SLC30A9: variants seen among roughly 807,000 people sequenced by gnomAD.
The protein encoded by SLC30A9 is proton-coupled zinc antiporter SLC30A9, mitochondrial.
A neutral mutation model predicts 87.5 loss-of-function variants in SLC30A9; 58 were observed. That is an observed-to-expected ratio of 0.66 (90% CI 0.54 to 0.82). The LOEUF is 0.82. Ranked by LOEUF, SLC30A9 falls within the 40% of genes least tolerant of loss-of-function variation. SLC30A9 has a pLI of 0.00. For missense variants in SLC30A9, 557 were observed against 679.1 expected (o/e 0.82, Z 2.00); for synonymous variants, 234 against 233.0 (o/e 1.00, Z -0.04).
intron 8 of SLC30A9, among the ~76,000 whole-genome samples, chr4:42,039,346 T>TA (rs1391249100): frequency 2.6e-5 from 4 of 152,216 alleles, no homozygotes; most frequent in African/African-American, 9.6e-5. Context: ...AAGTCTTTTT[T>TA]AAAGAAGTTA....
intron 2 of SLC30A9, among the ~76,000 whole-genome samples, chr4:42,014,956 C>T (rs890538581): frequency 6.6e-6 from 1 of 151,984 alleles, no homozygotes; most frequent in Non-Finnish European, 1.5e-5. Context: ...TACAAAACTG[C>T]AGTTAGATAG....
chr4:42,001,533 C>T, intron 1 of SLC30A9, 83 bp from the exon 2 acceptor site: 2 of 705,362 alleles, frequency 2.8e-6, no homozygotes, highest in South Asian at 6.1e-5. Context: ...AGCAGTGAAA[C>T]ACCTCTGGAG....
intron 1 of SLC30A9, among the ~76,000 whole-genome samples, chr4:41,998,634 T>C (rs1714843807): frequency 6.6e-6 from 1 of 152,086 alleles, no homozygotes; most frequent in Non-Finnish European, 1.5e-5. Flanking sequence ...TGGCTGATTT[T>C]TTTGTATTTT....
Position 42,067,103 on chromosome 4 carries a change from C to T in SLC30A9, c.1163C>T (p.Pro388Leu). Reference protein sequence around the residue: ...FYKYVMESRDPSTNVILLEDT... With the variant: ...FYKYVMESRDLSTNVILLEDT... The stretch of plus-strand genomic sequence containing the variant: ...TGACTAGTAATGGAAAGTCGTGATC[C>T]TAGTACAAATGTGATATTATTGGAG... The change falls in exon 14 of 18, where the codon CCT (proline) becomes CTT (leucine). Residue 388 changes from proline to leucine, a missense_variant. Pro to Leu is a moderately conservative substitution (Grantham distance 98). Coordinates refer to ENST00000264451, the MANE Select transcript of SLC30A9 (RefSeq NM_006345.4). 1.9e-6 allele frequency: 3 copies of T among 1,611,240 alleles called. No homozygotes were observed. The highest frequency in any genetic ancestry group is 1.7e-6 in the Non-Finnish European group (2 of 1,177,850).
At chr4:42,070,410 A>G in intron 14 of SLC30A9, 116 bp from the exon 15 acceptor site, 1 of 714,568 alleles carries the variant, frequency 1.4e-6, no homozygotes, top group Non-Finnish European at 2.3e-6. Flanking sequence ...AATTAAAGAA[A>G]TTAGGAATAA....
intron 17 of SLC30A9, among the ~76,000 whole-genome samples, chr4:42,080,390 CAGA>C (rs1197732684): frequency 6.6e-6 from 1 of 152,142 alleles, no homozygotes; most frequent in African/African-American, 2.4e-5. Flanking sequence ...CAGCCAAGGG[CAGA>C]AGAAGTGCAT....
chr4:42,084,665 G>T (rs1718859386), intron 17 of SLC30A9, among the ~76,000 whole-genome samples: 1 of 152,094 alleles, frequency 6.6e-6, no homozygotes, highest in Non-Finnish European at 1.5e-5. Context: ...TAGAGATGGG[G>T]TTTCATCATG....
At chr4:42,067,286 A>T in intron 14 of SLC30A9, 94 bp downstream of exon 14, 1 of 760,868 alleles carries the variant, frequency 1.3e-6, no homozygotes, top group African/African-American at 1.8e-5. Flanking sequence ...GAATAATATT[A>T]AACCAACAAA....
At position 42,022,899 on chromosome 4, in the gene SLC30A9, A is replaced by G. The variant is rs1577690657; in HGVS notation, c.496A>G (p.Thr166Ala). The stretch of plus-strand genomic sequence containing the variant: ...TCCCCATGAAGATACTGAGTCTTTT[A>G]CTGTATACTTGAGATCAGATGTGGA... The part of the protein sequence containing the change: ...RSPHEDTESF[T>A]VYLRSDVEAK... The change falls in exon 5 of 18, where the codon ACT becomes GCT. Residue 166 changes from threonine to alanine, a missense_variant. By Grantham distance (58) the Thr-to-Ala change is moderately conservative. Coordinates refer to ENST00000264451, the MANE Select transcript of SLC30A9 (RefSeq NM_006345.4). 1.9e-6 allele frequency: 3 copies of G among 1,598,700 alleles called. No individual in the cohort carries two copies. The highest frequency in any genetic ancestry group is 2.6e-6 in the Non-Finnish European group (3 of 1,170,250).
chr4:42,019,805 AT>A (rs969334233), intron 3 of SLC30A9, among the ~76,000 whole-genome samples: 2 of 151,350 alleles, frequency 1.3e-5, no homozygotes, highest in Non-Finnish European at 3.0e-5. Flanking sequence ...TTTATTTATT[AT>A]TTTTTTTGGA....
intron 16 of SLC30A9, 141 bp from the exon 17 acceptor site, chr4:42,078,071 C>T: frequency 1.9e-6 from 1 of 529,720 alleles, no homozygotes; most frequent in Non-Finnish European, 3.4e-6. Context: ...AATAGGTAAT[C>T]CATTGCCTGT....
chr4:42,075,851 A>G, intron 16 of SLC30A9, 65 bp downstream of exon 16: 1 of 1,521,600 alleles, frequency 6.6e-7, no homozygotes, highest in South Asian at 1.2e-5. Flanking sequence ...GGTAAACAAA[A>G]TGAAATTTTT....
chr4:42,017,971 A>G (rs1334143576), intron 2 of SLC30A9, 140 bp from the exon 3 acceptor site: 2 of 543,186 alleles, frequency 3.7e-6, no homozygotes, highest in Non-Finnish European at 6.6e-6. Flanking sequence ...AACTACTCTT[A>G]CATTCTTAAG....
At chr4:42,082,445 G>C (rs1718775722) in intron 17 of SLC30A9, among the ~76,000 whole-genome samples, 1 of 152,114 alleles carries the variant, frequency 6.6e-6, no homozygotes, top group South Asian at 2.1e-4. Context: ...AATTATTATT[G>C]GATTATTTTG....
At chr4:42,044,728 A>G (rs1342880311) in intron 8 of SLC30A9, among the ~76,000 whole-genome samples, 2 of 152,208 alleles carry the variant, frequency 1.3e-5, no homozygotes, top group African/African-American at 4.8e-5. Flanking sequence ...ATAGACATCT[A>G]CAGAACTCTC....
intron 1 of SLC30A9, among the ~76,000 whole-genome samples, chr4:42,000,431 T>A (rs1408521489): frequency 6.6e-6 from 1 of 152,066 alleles, no homozygotes; most frequent in East Asian, 1.9e-4. Context: ...TGTGTAGGAA[T>A]CTTCTGCTGT....
chr4:42,061,088 G>A (rs899728554), intron 10 of SLC30A9, among the ~76,000 whole-genome samples: 8 of 151,972 alleles, frequency 5.3e-5, no homozygotes, highest in African/African-American at 1.7e-4. Flanking sequence ...ATGTACAAAA[G>A]ATTTAAAAAC....
intron 1 of SLC30A9, among the ~76,000 whole-genome samples, chr4:41,997,119 A>G (rs1714753073): frequency 6.6e-6 from 1 of 151,434 alleles, no homozygotes; most frequent in Non-Finnish European, 1.5e-5. Context: ...GTCAAGATGC[A>G]GTCTAGGAAG....
At chr4:42,026,285 T>C (rs895232018) in intron 6 of SLC30A9, among the ~76,000 whole-genome samples, 1 of 152,206 alleles carries the variant, frequency 6.6e-6, no homozygotes, top group Non-Finnish European at 1.5e-5. Context: ...TTATAGGTAA[T>C]ACAGGTACTA....
Sources: gnomAD v4.1 joint callset for allele counts (sites outside exome capture counted in the v4.1 genomes callset) on GRCh38, gnomAD v4.1.1 for gene constraint, MANE v1.5 for transcripts, NCBI Gene and HGNC (gene_info 2026-07-23, HGNC 2026-07-21) for gene names.